Variants in NGEF observed in about 807,000 individuals in gnomAD.
NGEF encodes the protein neuronal guanine nucleotide exchange factor, also known as ephexin-1.
A neutral mutation model predicts 80.9 loss-of-function variants in NGEF; 31 were observed. The ratio of observed to expected loss-of-function variants is 0.38; its 90% CI spans 0.29 to 0.52. NGEF has a LOEUF of 0.52. Among genes scored for constraint, NGEF ranks in the 20% least tolerant of loss-of-function variants. The probability of loss-of-function intolerance (pLI) is 0.84; values close to 1 mark genes in which losing one functional copy is unlikely to be tolerated. For synonymous variants in NGEF, 371 were observed against 370.2 expected, an observed-to-expected ratio of 1.00 and a Z score of -0.03; for missense variants, 709 against 926.2, an observed-to-expected ratio of 0.77 and a Z score of 3.04.
chr2:232,903,442 A>ATG (rs1692413017), intron 5 of NGEF, among the ~76,000 whole-genome samples: 1 of 151,948 alleles, frequency 6.6e-6, no homozygotes, highest in African/African-American at 2.4e-5. Context: ...GAGGGCACAC[A>ATG]CACACACACA....
chr2:232,935,871 A>G (rs1345539187), intron 3 of NGEF, among the ~76,000 whole-genome samples: 1 of 152,210 alleles, frequency 6.6e-6, no homozygotes, highest in Non-Finnish European at 1.5e-5. Flanking sequence ...TTTCTCAAAT[A>G]TATATAGGAA....
chr2:232,959,581 T>A (rs1441899680), intron 3 of NGEF, among the ~76,000 whole-genome samples: 7 of 94,738 alleles, frequency 7.4e-5, no homozygotes, highest in African/African-American at 1.1e-4. Flanking sequence ...GCAATGACCT[T>A]TTTTTTTTTT....
chr2:232,949,822 T>C (rs1693643088), intron 3 of NGEF, among the ~76,000 whole-genome samples: 1 of 150,656 alleles, frequency 6.6e-6, no homozygotes, highest in South Asian at 2.1e-4. Flanking sequence ...TTTTGGTTTT[T>C]TTTTTTTAGA....
At position 232,879,439 on chromosome 2, in the gene NGEF, C is replaced by G; in HGVS notation, c.*50G>C. ...CCCAGAGCCCCCCCCCCCCCACCTTCTGTCGGGGTCTCATGCAGGCCCTGC... is the reference window on the plus strand; with the variant it reads ...CCCAGAGCCCCCCCCCCCCCACCTTGTGTCGGGGTCTCATGCAGGCCCTGC... On this transcript the variant is annotated 3_prime_UTR_variant, in exon 15 of 15. Coordinates refer to ENST00000264051, the MANE Select transcript of NGEF (RefSeq NM_019850.3). The G allele has an allele frequency of 1.7e-5, 21 of 1,207,628 alleles. No individual in the cohort carries two copies. The highest frequency in any genetic ancestry group is 2.4e-5 in the Non-Finnish European group (20 of 847,288). 74.8% of individuals were successfully genotyped at this position (1,207,628 alleles called of 1,614,324 possible).
At position 232,974,636 on chromosome 2, in the gene NGEF, G is replaced by C. The variant is rs1694253369; in HGVS notation, c.255C>G (p.Ala85=). 1 of 1,613,922 alleles carries C rather than the reference G, an allele frequency of 6.2e-7. No individual in the cohort carries two copies. The highest frequency in any genetic ancestry group is 8.5e-7 in the Non-Finnish European group (1 of 1,179,994). The change falls in exon 2 of 15, where the codon GCC becomes GCG. Residue 85 remains alanine, a synonymous_variant. Coordinates refer to ENST00000264051, the MANE Select transcript of NGEF (RefSeq NM_019850.3). ...CCTGATACTGACCTGCCAGGCAGCT[G>C]GCGTTCCGTTCGGGGTTGTCTCTGG... ...AKARDNPERN[A]SCLADSQDNG...
At chr2:232,947,329 C>G (rs1693580275) in intron 3 of NGEF, among the ~76,000 whole-genome samples, 1 of 152,180 alleles carries the variant, frequency 6.6e-6, no homozygotes, top group Admixed American at 6.5e-5. Flanking sequence ...TGCGTAGACC[C>G]AACTCCCAGT....
chr2:232,951,220 G>A (rs943212788), intron 3 of NGEF, among the ~76,000 whole-genome samples: 3 of 152,150 alleles, frequency 2.0e-5, no homozygotes, highest in African/African-American at 7.2e-5. Flanking sequence ...GTGGCCACGC[G>A]CTACCTCGAT....
intron 3 of NGEF, among the ~76,000 whole-genome samples, chr2:232,930,382 C>A (rs369842381): frequency 6.6e-6 from 1 of 151,642 alleles, no homozygotes; most frequent in Admixed American, 6.6e-5. Context: ...TGCAATGGCG[C>A]GATCTCGGCT....
At chr2:232,882,839 C>T (rs1011133801) in intron 12 of NGEF, among the ~76,000 whole-genome samples, 3 of 152,208 alleles carry the variant, frequency 2.0e-5, no homozygotes, top group Non-Finnish European at 4.4e-5. Flanking sequence ...AAGCATCTCT[C>T]CCCACATTTA....
chr2:232,939,593 T>C (rs1033167181), intron 3 of NGEF, among the ~76,000 whole-genome samples: 1 of 152,236 alleles, frequency 6.6e-6, no homozygotes, highest in African/African-American at 2.4e-5. Flanking sequence ...AATGAAAAGC[T>C]AGTATGTAAT....
intron 3 of NGEF, among the ~76,000 whole-genome samples, chr2:232,939,175 CAAAAAA>C (rs60357492): frequency 3.0e-5 from 2 of 66,074 alleles, no homozygotes; most frequent in Non-Finnish European, 5.6e-5. Flanking sequence ...GACTCAGTCT[CAAAAAA>C]AAAAAAAAAA....
intron 1 of NGEF, among the ~76,000 whole-genome samples, chr2:232,976,260 T>A (rs538562665): frequency 3.2e-4 from 49 of 152,262 alleles, no homozygotes; most frequent in Middle Eastern, 3.4e-3. Context: ...GCTCAACCAG[T>A]GTTCTACGAT....
intron 3 of NGEF, among the ~76,000 whole-genome samples, chr2:232,954,147 G>T (rs1238044411): frequency 6.6e-6 from 1 of 152,164 alleles, no homozygotes; most frequent in Non-Finnish European, 1.5e-5. Context: ...AACTACGGGG[G>T]TATCTTTTAC....
chr2:232,946,275 A>C lies in NGEF; in HGVS notation c.384-19089T>G, dbSNP rs995885789. ...AAGAATGACACAGTGGACTTTGGGGACTTGGGGGGAAGGTTGGGAAGGGGG... is the reference window on the plus strand; with the variant it reads ...AAGAATGACACAGTGGACTTTGGGGCCTTGGGGGGAAGGTTGGGAAGGGGG... On this transcript the variant is annotated intron_variant, in intron 3 of 14. Transcript: ENST00000264051. Among the ~76,000 whole-genome samples the C allele has an allele frequency of 1.4e-4, 21 of 151,646 alleles. 1 individual carries two copies. The highest frequency in any genetic ancestry group is 9.9e-4 in the Admixed American group (15 of 15,208).
chr2:232,916,770 T>G (rs953239039), intron 5 of NGEF, among the ~76,000 whole-genome samples: 2 of 152,242 alleles, frequency 1.3e-5, no homozygotes, highest in Non-Finnish European at 2.9e-5. Flanking sequence ...CCTTTTTGAA[T>G]GGCAATTGGG....
chr2:232,993,382 T>C (rs1694713696), intron 1 of NGEF, among the ~76,000 whole-genome samples: 1 of 151,390 alleles, frequency 6.6e-6, no homozygotes, highest in South Asian at 2.1e-4. Flanking sequence ...CACTTTGCAC[T>C]CACTAGGGTG....
intron 3 of NGEF, among the ~76,000 whole-genome samples, chr2:232,958,311 G>C (rs146976153): frequency 6.6e-6 from 1 of 152,126 alleles, no homozygotes; most frequent in African/African-American, 2.4e-5. Flanking sequence ...GAGCTGCACG[G>C]AGTGTTCATC....
rs200444732 is a variant in NGEF at position 232,894,878 on chromosome 2, G to A, written c.867C>T (p.Tyr289=). Residue 289 remains tyrosine (Y), a synonymous_variant, in exon 6 of 15, where the codon TAC becomes TAT. Transcript: ENST00000264051. The stretch of plus-strand genomic sequence containing the variant: ...GGGACACGAGCAGGTTCAGACTCTT[G>A]TAGTAGGACGCCTCGGAAGTGACCA... ...FELVTSEASY[Y]KSLNLLVSHF... is the part of the protein sequence containing the mutation. 17 of 1,604,558 alleles carry A rather than the reference G, an allele frequency of 1.1e-5. No individual in the cohort carries two copies. The highest frequency in any genetic ancestry group is 1.4e-5 in the Non-Finnish European group (16 of 1,173,114).
chr2:232,995,222 T>C (rs796750283), intron 1 of NGEF, among the ~76,000 whole-genome samples: 1 of 42,554 alleles, frequency 2.3e-5, no homozygotes, highest in Non-Finnish European at 4.8e-5. Context: ...ATGTGTACAG[T>C]ATGTATGCTG....
Sources: gnomAD v4.1 joint callset for allele counts (sites outside exome capture counted in the v4.1 genomes callset) on GRCh38, gnomAD v4.1.1 for gene constraint, MANE v1.5 for transcripts, NCBI Gene and HGNC (gene_info 2026-07-23, HGNC 2026-07-21) for gene names.